Variants in GLIS3 observed in about 807,000 individuals in gnomAD.
GLIS3 encodes GLIS family zinc finger 3, also known as zinc finger protein GLIS3.
GLIS3 carries 53 observed loss-of-function variants against 78.6 expected under a neutral mutation model. The ratio of observed to expected loss-of-function variants is 0.67; its 90% CI spans 0.54 to 0.85. The LOEUF is 0.85. Ranked by LOEUF, GLIS3 falls within the 40% of genes least tolerant of loss-of-function variation. The pLI, the probability that GLIS3 is intolerant of heterozygous loss-of-function variation, is 0.00. For synonymous variants in GLIS3, 684 were observed against 509.9 expected (o/e 1.34, Z -4.60); for missense variants, 1,703 against 1,231.1 (o/e 1.38, Z -5.74).
the GLIS3 span, among the ~76,000 whole-genome samples, chr9:4,359,308 T>TC: frequency 6.6e-6 from 1 of 152,114 alleles, no homozygotes; most frequent in East Asian, 1.9e-4. Flanking sequence ...TCAGATCTTT[T>TC]CTCCTTACCT....
the GLIS3 span, among the ~76,000 whole-genome samples, chr9:4,382,471 C>T: frequency 4.6e-5 from 7 of 152,164 alleles, no homozygotes; most frequent in African/African-American, 1.7e-4. Flanking sequence ...TCTCCTCTTC[C>T]TGGAAGCCTC....
At chr9:4,232,897 G>GT (rs1554628812) in intron 2 of GLIS3, among the ~76,000 whole-genome samples, 3 of 152,182 alleles carry the variant, frequency 2.0e-5, no homozygotes, top group Non-Finnish European at 4.4e-5. Flanking sequence ...AGAGCAGACT[G>GT]TTAATCTTAT....
intron 7 of GLIS3, among the ~76,000 whole-genome samples, chr9:3,892,449 C>A (rs1822528292): frequency 6.6e-6 from 1 of 152,186 alleles, no homozygotes; most frequent in South Asian, 2.1e-4. Context: ...TATTCTGGGA[C>A]AGTGCTGATA....
intron 1 of GLIS3, chr9:4,347,210 GAGAC>G (rs1817907498): frequency 6.6e-6 from 1 of 152,164 alleles, no homozygotes; most frequent in African/African-American, 2.4e-5. Context: ...TGACAAGAAA[GAGAC>G]AGAGGAAGTG....
chr9:4,105,066 T>C (rs1830648396), intron 4 of GLIS3, among the ~76,000 whole-genome samples: 1 of 152,194 alleles, frequency 6.6e-6, no homozygotes, highest in Admixed American at 6.6e-5. Context: ...ATCTAAAATA[T>C]CTATAAGTGA....
At chr9:4,143,882 C>T (rs1007168782) in intron 2 of GLIS3, among the ~76,000 whole-genome samples, 14 of 152,114 alleles carry the variant, frequency 9.2e-5, no homozygotes, top group African/African-American at 3.4e-4. Context: ...CTATCTATGG[C>T]GAAACCATCT....
At chr9:4,461,232 T>A in the GLIS3 span, among the ~76,000 whole-genome samples, 3 of 152,182 alleles carry the variant, frequency 2.0e-5, no homozygotes, top group Non-Finnish European at 4.4e-5. Context: ...CTCATTTGTG[T>A]TTACTTCATG....
the GLIS3 span, among the ~76,000 whole-genome samples, chr9:4,422,242 G>A: frequency 2.6e-5 from 4 of 152,176 alleles, no homozygotes; most frequent in African/African-American, 9.7e-5. Flanking sequence ...ATAATCCTAT[G>A]TGTTTTATTT....
intron 2 of GLIS3, among the ~76,000 whole-genome samples, chr9:4,279,029 C>T (rs1440090568): frequency 5.9e-5 from 9 of 152,092 alleles, no homozygotes; most frequent in Admixed American, 2.0e-4. Context: ...TGGCTGGGCA[C>T]GGTGGCTCAT....
intron 4 of GLIS3, among the ~76,000 whole-genome samples, chr9:3,974,673 T>C (rs1818635082): frequency 6.6e-6 from 1 of 152,104 alleles, no homozygotes; most frequent in Non-Finnish European, 1.5e-5. Context: ...AGAACAGCAT[T>C]CATATTTTTT....
chr9:4,276,733 G>A (rs1005778916), intron 2 of GLIS3, among the ~76,000 whole-genome samples: 11 of 152,248 alleles, frequency 7.2e-5, no homozygotes, highest in Middle Eastern at 6.8e-3. Flanking sequence ...TCACGCCTCC[G>A]ATTGAGTAAT....
the GLIS3 span, among the ~76,000 whole-genome samples, chr9:4,368,796 C>G: frequency 6.6e-6 from 1 of 152,134 alleles, no homozygotes. Context: ...TTTGAAGGAC[C>G]CCTCTTGCTC....
At chr9:4,388,069 G>A in the GLIS3 span, among the ~76,000 whole-genome samples, 4 of 152,292 alleles carry the variant, frequency 2.6e-5, no homozygotes, top group East Asian at 7.7e-4. Context: ...GGCAACACAT[G>A]TACCATTAAA....
At chr9:4,261,670 ACGTAACTCACT>A (rs1364046917) in intron 2 of GLIS3, among the ~76,000 whole-genome samples, 1 of 152,324 alleles carries the variant, frequency 6.6e-6, no homozygotes, top group Non-Finnish European at 1.5e-5. Context: ...GAGCCACATT[ACGTAACTCACT>A]CACTTCTCTG....
At chr9:3,869,433 G>A (rs1251270673) in intron 8 of GLIS3, among the ~76,000 whole-genome samples, 4 of 152,286 alleles carry the variant, frequency 2.6e-5, no homozygotes, top group Middle Eastern at 3.4e-3. Context: ...TGAGTGTCAG[G>A]CACTAGTATT....
the GLIS3 span, among the ~76,000 whole-genome samples, chr9:4,482,755 A>C: frequency 2.0e-5 from 3 of 152,226 alleles, no homozygotes; most frequent in African/African-American, 4.8e-5. Flanking sequence ...TTTAGTAACT[A>C]ACAGGAGAGG....
chr9:4,470,691 C>A, the GLIS3 span, among the ~76,000 whole-genome samples: 1 of 151,850 alleles, frequency 6.6e-6, no homozygotes, highest in African/African-American at 2.4e-5. Context: ...TGAAAACTGG[C>A]ACAAGACAGG....
the GLIS3 span, among the ~76,000 whole-genome samples, chr9:4,374,732 G>A: frequency 6.6e-6 from 1 of 151,132 alleles, no homozygotes; most frequent in Non-Finnish European, 1.5e-5. Flanking sequence ...CATAAAGCAG[G>A]CTTATAATAA....
chr9:4,328,202 C>T (rs1230944753), intron 2 of GLIS3, among the ~76,000 whole-genome samples: 1 of 152,184 alleles, frequency 6.6e-6, no homozygotes. Flanking sequence ...GACTGACTAA[C>T]CCTTTGCAGC....
Sources: allele counts gnomAD v4.1 joint callset (sites outside exome capture counted in the v4.1 genomes callset), GRCh38; gene constraint gnomAD v4.1.1; transcripts MANE v1.5; gene names NCBI Gene and HGNC (gene_info 2026-07-23, HGNC 2026-07-21).